The following HECW2 variants were observed in gnomAD, a reference collection of about 807,000 sequenced individuals.
HECW2 encodes the protein HECT, C2 and WW domain containing E3 ubiquitin protein ligase 2.
Under a neutral mutation model 175.2 loss-of-function variants are expected in HECW2, and 61 were observed. That is an observed-to-expected ratio of 0.35 (90% CI 0.28 to 0.43). HECW2 has a LOEUF of 0.43. Among genes scored for constraint, HECW2 ranks in the 20% least tolerant of loss-of-function variants. The pLI is 1.00. For missense variants in HECW2, 1,524 were observed against 2,000.5 expected, an observed-to-expected ratio of 0.76 and a Z score of 4.54; for synonymous variants, 671 against 731.0, an observed-to-expected ratio of 0.92 and a Z score of 1.32.
At chr2:196,561,090 A>G (rs886073345) in intron 1 of HECW2, among the ~76,000 whole-genome samples, 2 of 152,208 alleles carry the variant, frequency 1.3e-5, no homozygotes, top group Non-Finnish European at 2.9e-5. Context: ...CATTTCTCTT[A>G]TTACCAAAAA....
chr2:196,576,668 T>C (rs1386030164), intron 1 of HECW2, among the ~76,000 whole-genome samples: 1 of 152,186 alleles, frequency 6.6e-6, no homozygotes, highest in Non-Finnish European at 1.5e-5. Flanking sequence ...CAACACTAAT[T>C]GTATACTTCA....
chr2:196,485,112 A>G (rs1686956530), intron 1 of HECW2, among the ~76,000 whole-genome samples: 1 of 152,168 alleles, frequency 6.6e-6, no homozygotes, highest in South Asian at 2.1e-4. Context: ...ATAACTCCCC[A>G]CTTTCTTAAG....
intron 1 of HECW2, among the ~76,000 whole-genome samples, chr2:196,503,285 G>T (rs1157276187): frequency 6.6e-6 from 1 of 152,148 alleles, no homozygotes; most frequent in East Asian, 1.9e-4. Flanking sequence ...ATCTCAGAGT[G>T]CCACAGGCAG....
intron 17 of HECW2, among the ~76,000 whole-genome samples, chr2:196,269,000 T>C (rs1456977062): frequency 1.3e-5 from 2 of 152,180 alleles, no homozygotes; most frequent in Non-Finnish European, 2.9e-5. Context: ...GCATAATTAT[T>C]ATAATTTTTC....
intron 28 of HECW2, among the ~76,000 whole-genome samples, chr2:196,204,534 T>C (rs917219657): frequency 1.3e-5 from 2 of 152,188 alleles, no homozygotes; most frequent in African/African-American, 2.4e-5. Context: ...TGGAAGCAGA[T>C]TCTTCCCTAG....
chr2:196,303,126 G>T (rs761378948), intron 13 of HECW2, among the ~76,000 whole-genome samples: 1 of 152,134 alleles, frequency 6.6e-6, no homozygotes, highest in Non-Finnish European at 1.5e-5. Context: ...AACATGAAGC[G>T]ATGTTGAATT....
chr2:196,357,330 G>GT (rs1330097401), intron 2 of HECW2, among the ~76,000 whole-genome samples: 5 of 135,014 alleles, frequency 3.7e-5, no homozygotes, highest in African/African-American at 1.7e-4. Flanking sequence ...GGGGGCTTGG[G>GT]CGGGGGGGCG....
intron 19 of HECW2, among the ~76,000 whole-genome samples, chr2:196,252,178 A>AAAT (rs10666310): frequency 0.029 from 3,929 of 133,220 alleles, 70 homozygotes; most frequent in Non-Finnish European, 0.035. Flanking sequence ...CTCCGATTCA[A>AAAT]AATAATAATA....
intron 2 of HECW2, among the ~76,000 whole-genome samples, chr2:196,379,841 T>C (rs927910292): frequency 6.7e-6 from 1 of 149,068 alleles, no homozygotes; most frequent in East Asian, 2.0e-4. Context: ...ACTGAGAAGA[T>C]GCAAGAGCCA....
chr2:196,256,693 T>C (rs1311221157), intron 18 of HECW2, among the ~76,000 whole-genome samples: 1 of 151,936 alleles, frequency 6.6e-6, no homozygotes, highest in Non-Finnish European at 1.5e-5. Context: ...AACCAAACCA[T>C]GATAGAAACA....
chr2:196,576,617 G>A (rs983931920), intron 1 of HECW2, among the ~76,000 whole-genome samples: 4 of 152,114 alleles, frequency 2.6e-5, no homozygotes, highest in African/African-American at 9.7e-5. Flanking sequence ...AAGATGAATA[G>A]GTTCAAGAAA....
rs757684395 is a variant in HECW2 at position 196,201,364 on chromosome 2, C to G, written c.4632G>C (p.Leu1544=). The G allele has an allele frequency of 1.2e-6, 2 of 1,613,446 alleles. No homozygotes were observed. Residue 1544 remains leucine, a synonymous_variant, in exon 29 of 29, where the codon CTG becomes CTC. Coordinates refer to ENST00000644978, the MANE Select transcript of HECW2 (RefSeq NM_001348768.2). ...AAAAGGATGGGTAGGGAGGCAGATCCAGACGGTTAAAACATGTATGCGCTC... is the reference window on the plus strand; with the variant it reads ...AAAAGGATGGGTAGGGAGGCAGATCGAGACGGTTAAAACATGTATGCGCTC... ...LPRAHTCFNR[L]DLPPYPSFSM... is the part of the protein sequence containing the mutation.
At chr2:196,576,551 G>A (rs1028767830) in intron 1 of HECW2, among the ~76,000 whole-genome samples, 2 of 152,142 alleles carry the variant, frequency 1.3e-5, no homozygotes, top group African/African-American at 4.8e-5. Flanking sequence ...GCCAGGAATT[G>A]GGAAGGTGGG....
chr2:196,359,237 C>T (rs1234935569), intron 2 of HECW2, among the ~76,000 whole-genome samples: 10 of 152,120 alleles, frequency 6.6e-5, no homozygotes, highest in Non-Finnish European at 1.5e-4. Flanking sequence ...ATCATGAGGT[C>T]AGGAGATCGA....
intron 19 of HECW2, among the ~76,000 whole-genome samples, chr2:196,246,305 A>G (rs1688639814): frequency 6.6e-6 from 1 of 152,230 alleles, no homozygotes; most frequent in Non-Finnish European, 1.5e-5. Context: ...TAATGAATCA[A>G]CTTTCAAGAG....
Position 196,318,882 on chromosome 2 carries a change from C to T in HECW2, c.2008G>A (p.Glu670Lys), listed in dbSNP as rs780526862. 6.4e-7 allele frequency: 1 copy of T among 1,556,752 alleles called. No individual in the cohort carries two copies. Among genetic ancestry groups the T allele is most frequent in the Non-Finnish European group, 8.7e-7 (1 of 1,150,898 alleles). ...CSSLESARFP[E>K]TPAFSSQEEE... ...TCCTGAGAAGAAAAGGCTGGGGTTT[C>T]AGGAAACCGTGCGCTCTCAAGAGAG... Residue 670 changes from glutamate (E) to lysine (K), a missense_variant, in exon 9 of 29, where the codon GAA becomes AAA. By Grantham distance (56) the Glu-to-Lys change is moderately conservative. Coordinates refer to ENST00000644978, the MANE Select transcript of HECW2 (RefSeq NM_001348768.2).
intron 2 of HECW2, among the ~76,000 whole-genome samples, chr2:196,391,890 A>G (rs547340410): frequency 1.3e-5 from 2 of 152,268 alleles, no homozygotes; most frequent in African/African-American, 4.8e-5. Flanking sequence ...TTGTAGCTGA[A>G]TCTGTCCAGT....
At chr2:196,354,615 T>C (rs776949438) in intron 2 of HECW2, among the ~76,000 whole-genome samples, 4 of 152,212 alleles carry the variant, frequency 2.6e-5, no homozygotes, top group Non-Finnish European at 4.4e-5. Context: ...AAAAAAGAAA[T>C]AACATTTTCA....
intron 2 of HECW2, among the ~76,000 whole-genome samples, chr2:196,353,486 C>T (rs911196500): frequency 1.3e-5 from 2 of 152,182 alleles, no homozygotes; most frequent in African/African-American, 4.8e-5. Flanking sequence ...ATTCTGTTTA[C>T]TGATGTATCC....
Sources: gnomAD v4.1 joint callset for allele counts (sites outside exome capture counted in the v4.1 genomes callset) on GRCh38, gnomAD v4.1.1 for gene constraint, MANE v1.5 for transcripts, NCBI Gene and HGNC (gene_info 2026-07-23, HGNC 2026-07-21) for gene names.